STAG1: variants seen among roughly 807,000 people sequenced by gnomAD.
STAG1 encodes the protein cohesin subunit SA-1.
In STAG1, 26 loss-of-function variants were observed where a neutral mutation model predicts 170.9. The observed-to-expected ratio is 0.15, with a 90% CI of 0.11 to 0.21. The LOEUF (loss-of-function observed/expected upper bound fraction) is 0.21, where lower values mean the gene tolerates loss of function less well. STAG1 is among the 10% of genes least tolerant of loss of function. The pLI, the probability that STAG1 is intolerant of heterozygous loss-of-function variation, is 1.00. For synonymous variants in STAG1, 514 were observed against 497.7 expected (o/e 1.03, Z -0.44); for missense variants, 964 against 1,509.5 (o/e 0.64, Z 5.99).
chr3:136,610,549 C>T (rs1338872721), intron 3 of STAG1, among the ~76,000 whole-genome samples: 1 of 152,072 alleles, frequency 6.6e-6, no homozygotes, highest in African/African-American at 2.4e-5. Context: ...AGCTTATCAA[C>T]ATGTGAAGAT....
chr3:136,586,893 T>C (rs778924727), intron 4 of STAG1: 3 of 456,500 alleles, frequency 6.6e-6, no homozygotes, highest in African/African-American at 4.0e-5. Flanking sequence ...CTCTCTCCCC[T>C]TCCAACCAAG....
chr3:136,524,315 C>G (rs1487944099), intron 6 of STAG1, among the ~76,000 whole-genome samples: 1 of 152,092 alleles, frequency 6.6e-6, no homozygotes, highest in Non-Finnish European at 1.5e-5. Context: ...CTTCACATCC[C>G]TTGTAGGTTG....
chr3:136,549,517 T>C (rs1576595562), intron 5 of STAG1, among the ~76,000 whole-genome samples: 1 of 152,098 alleles, frequency 6.6e-6, no homozygotes, highest in Non-Finnish European at 1.5e-5. Flanking sequence ...GCCAGGCTGG[T>C]CTTGAACTCC....
chr3:136,716,110 T>A (rs939780033), intron 1 of STAG1, among the ~76,000 whole-genome samples: 5 of 149,840 alleles, frequency 3.3e-5, no homozygotes, highest in Non-Finnish European at 7.4e-5. Flanking sequence ...AAAATAATAA[T>A]AAAAATTAAA....
intron 9 of STAG1, among the ~76,000 whole-genome samples, chr3:136,492,865 G>T (rs2090148455): frequency 6.6e-6 from 1 of 152,126 alleles, no homozygotes. Flanking sequence ...TGAACACTCT[G>T]AAAATAATGC....
At chr3:136,479,081 T>A (rs571567526) in intron 9 of STAG1, among the ~76,000 whole-genome samples, 2 of 150,940 alleles carry the variant, frequency 1.3e-5, no homozygotes, top group Non-Finnish European at 3.0e-5. Flanking sequence ...TTTTTTAATT[T>A]TTTTTTTTAT....
intron 9 of STAG1, among the ~76,000 whole-genome samples, chr3:136,491,714 C>T (rs2090128355): frequency 1.3e-5 from 2 of 152,066 alleles, no homozygotes; most frequent in South Asian, 2.1e-4. Context: ...ATTTGTTGGC[C>T]GGGTGCAGTG....
intron 1 of STAG1, among the ~76,000 whole-genome samples, chr3:136,733,389 G>T (rs1934153898): frequency 6.6e-6 from 1 of 151,974 alleles, no homozygotes; most frequent in Admixed American, 6.6e-5. Context: ...CCTGGCCAAA[G>T]GCTAACTTTT....
intron 3 of STAG1, among the ~76,000 whole-genome samples, chr3:136,616,752 A>T (rs960204742): frequency 6.6e-6 from 1 of 152,112 alleles, no homozygotes; most frequent in Admixed American, 6.6e-5. Flanking sequence ...ACAAAAACTT[A>T]GCCGGTGTGG....
intron 16 of STAG1, among the ~76,000 whole-genome samples, chr3:136,425,359 G>A (rs1271791268): frequency 6.6e-6 from 1 of 152,130 alleles, no homozygotes; most frequent in Non-Finnish European, 1.5e-5. Context: ...ATTGGGGGGT[G>A]AGTGGGTGGA....
At position 136,425,710 on chromosome 3, in the gene STAG1, T is replaced by TTA. The variant is rs752180733; in HGVS notation, c.1651-2668_1651-2667dup. On this transcript the variant is annotated intron_variant, in intron 16 of 33. Transcript: ENST00000383202. ...TGTGTGTGTATGTATGTATGTATGT[T>TTA]TATATATATGTATATATATAAACAT... Among the ~76,000 whole-genome samples the TTA allele has an allele frequency of 3.3e-5, 5 of 149,872 alleles. No individual in the cohort carries two copies. The South Asian group carries it at 8.4e-4, about 25-fold the overall frequency.
chr3:136,737,291 A>G, intron 1 of STAG1: 2 of 459,136 alleles, frequency 4.4e-6, no homozygotes, highest in Non-Finnish European at 8.2e-6. Context: ...CTTAGTAGAG[A>G]TGGGGTTTCA....
At chr3:136,507,925 A>G (rs1183561617) in intron 7 of STAG1, among the ~76,000 whole-genome samples, 1 of 152,180 alleles carries the variant, frequency 6.6e-6, no homozygotes, top group Non-Finnish European at 1.5e-5. Flanking sequence ...GTGTCTTTCC[A>G]AAGAAAAAAA....
At chr3:136,538,428 C>CT (rs1447238337) in intron 6 of STAG1, among the ~76,000 whole-genome samples, 2 of 136,450 alleles carry the variant, frequency 1.5e-5, no homozygotes, top group Non-Finnish European at 3.2e-5. Context: ...TTTTTTTTTT[C>CT]TTTTTTGAGA....
chr3:136,563,002 C>A (rs187321692), intron 5 of STAG1, among the ~76,000 whole-genome samples: 3 of 152,266 alleles, frequency 2.0e-5, no homozygotes. Flanking sequence ...TCAGACTATG[C>A]ACTTCTGGCA....
chr3:136,409,373 C>T (rs997834501), intron 21 of STAG1, among the ~76,000 whole-genome samples: 1 of 151,966 alleles, frequency 6.6e-6, no homozygotes, highest in African/African-American at 2.4e-5. Flanking sequence ...TTGAGACAGT[C>T]TCATCCAGGA....
chr3:136,456,668 A>C (rs1469155906), intron 13 of STAG1, among the ~76,000 whole-genome samples: 4 of 152,232 alleles, frequency 2.6e-5, no homozygotes, highest in African/African-American at 9.6e-5. Flanking sequence ...AGATGTCATC[A>C]AACAAATTCA....
chr3:136,397,197 C>T lies in STAG1; in HGVS notation c.2277+1552G>A, dbSNP rs574383015. Among the ~76,000 whole-genome samples, 3 of 152,228 alleles carry T rather than the reference C, an allele frequency of 2.0e-5. No individual in the cohort carries two copies. In the South Asian group the frequency reaches 6.2e-4, roughly 32 times the overall value. The stretch of plus-strand genomic sequence containing the variant: ...TGTTTACTTCTTAGTCATGTTCAGG[C>T]CTCTCATTACATGAAATAACTGAAA... On this transcript the variant is annotated intron_variant, in intron 22 of 33. Coordinates refer to ENST00000383202, the MANE Select transcript of STAG1 (RefSeq NM_005862.3).
intron 1 of STAG1, among the ~76,000 whole-genome samples, chr3:136,656,300 C>A (rs1021336223): frequency 1.3e-5 from 2 of 151,918 alleles, no homozygotes; most frequent in African/African-American, 2.4e-5. Flanking sequence ...TTTTATTTAA[C>A]GGGTATAGAG....
Sources: allele counts gnomAD v4.1 joint callset (sites outside exome capture counted in the v4.1 genomes callset), GRCh38; gene constraint gnomAD v4.1.1; transcripts MANE v1.5; gene names NCBI Gene and HGNC (gene_info 2026-07-23, HGNC 2026-07-21).